Variants in MUC3A observed in about 807,000 individuals in gnomAD.
MUC3A encodes mucin 3A, cell surface associated, also known as mucin-3A.
In MUC3A, 109 loss-of-function variants were observed where a neutral mutation model predicts 109.0. The observed-to-expected ratio is 1.00, with a 90% CI of 0.86 to 1.17. MUC3A has a LOEUF of 1.17. MUC3A is among the 50% of genes most tolerant of loss of function. The pLI is 0.00. For missense variants in MUC3A, 3,537 were observed against 2,469.4 expected (o/e 1.43, Z -9.16); for synonymous variants, 1,398 against 981.4 (o/e 1.42, Z -7.93).
In MUC3A at chr7:100,955,648, C is replaced by T. The variant is rs1792078045; in HGVS notation, c.3869C>T (p.Ser1290Phe). The T allele has an allele frequency of 2.2e-6, 1 of 446,414 alleles. No homozygotes were observed. The highest frequency in any genetic ancestry group is 2.0e-5 in the African/African-American group (1 of 49,414). 27.7% of individuals were successfully genotyped at this position (446,414 alleles called of 1,614,324 possible). Residue 1290 changes from serine to phenylalanine, a missense_variant, in exon 2 of 12, where the codon TCC (serine) becomes TTC (phenylalanine). Ser to Phe is a radical substitution (Grantham distance 155). Coordinates refer to ENST00000379458, the MANE Select transcript of MUC3A (RefSeq NM_005960.2). ...TFPSTYSFSSSMSASSAGTTH... is the reference protein window; with the variant it reads ...TFPSTYSFSSFMSASSAGTTH... ...CCAAGTACATATTCATTTTCATCTT[C>T]CATGTCTGCCAGCAGTGCAGGGACC...
Position 100,957,607 on chromosome 7 carries a change from C to T in MUC3A, c.5828C>T (p.Ser1943Phe), listed in dbSNP as rs1330761063. 7.3e-6 allele frequency: 11 copies of T among 1,516,804 alleles called. No homozygotes were observed. Among genetic ancestry groups the T allele is most frequent in the Non-Finnish European group, 9.6e-6 (11 of 1,145,658 alleles). The allele number at this position is 1,516,804 out of a possible 1,614,324, so 94.0% of individuals were successfully genotyped here. ...TCACACAGTACTCCCAGATTCACTT[C>T]TTCAATCACCAATACCAAGACCACC... The part of the protein sequence containing the change: ...TPSHSTPRFT[S>F]SITNTKTTSH... The change falls in exon 2 of 12, where the codon TCT (serine) becomes TTT (phenylalanine). Residue 1943 changes from serine to phenylalanine, a missense_variant. Ser to Phe is a radical substitution (Grantham distance 155, BLOSUM62 -2). Coordinates refer to ENST00000379458, the MANE Select transcript of MUC3A (RefSeq NM_005960.2).
chr7:100,965,110 GGCA>G, intron 6 of MUC3A, 169 bp from the exon 7 acceptor site: 1 of 1,006,924 alleles, frequency 9.9e-7, no homozygotes, highest in Non-Finnish European at 1.4e-6. Context: ...GGGGAGATGA[GGCA>G]GGCAACAGGA....
chr7:100,964,184 C>CCTAGCA (rs1792443028), intron 5 of MUC3A: 2 of 288,136 alleles, frequency 6.9e-6, no homozygotes, highest in Non-Finnish European at 1.3e-5. Context: ...CACTTGCAAT[C>CCTAGCA]CTAGCACTTT....
At position 100,966,452 on chromosome 7, in the gene MUC3A, G is replaced by A; in HGVS notation, c.9678G>A (p.Ala3226=). Residue 3226 remains alanine (A), a synonymous_variant, in exon 9 of 12, where the codon GCG becomes GCA. Coordinates refer to ENST00000379458, the MANE Select transcript of MUC3A (RefSeq NM_005960.2). ...GCGAGGTGGCCGTCCACTGGAGGGCGCTGGTCGGGGGCCTGACGGCCGGCG... is the reference window on the plus strand; with the variant it reads ...GCGAGGTGGCCGTCCACTGGAGGGCACTGGTCGGGGGCCTGACGGCCGGCG... The part of the protein sequence containing the change: ...PRCEVAVHWR[A]LVGGLTAGAA... The A allele has an allele frequency of 1.5e-6, 2 of 1,347,254 alleles. No individual in the cohort carries two copies. The highest frequency in any genetic ancestry group is 1.9e-6 in the Non-Finnish European group (2 of 1,057,372). The allele number at this position is 1,347,254 out of a possible 1,614,324, so 83.5% of individuals were successfully genotyped here. A position where few individuals can be genotyped will look rare whatever the true frequency, so the allele number is the denominator to read the frequency against.
chr7:100,963,659 C>T lies in MUC3A; in HGVS notation c.9169-29C>T, dbSNP rs529712394. 4.0e-4 allele frequency: 636 copies of T among 1,598,206 alleles called. No individual in the cohort carries two copies. In the South Asian group the frequency reaches 5.1e-3, roughly 13 times the overall value. ...GTCCCCTCAGGTCTGCAGGTTCGGA[C>T]GTGAGCCCAGGGATCCTTGGTGTTT... On this transcript the variant is annotated intron_variant, in intron 4 of 11. Coordinates refer to ENST00000379458, the MANE Select transcript of MUC3A (RefSeq NM_005960.2).
chr7:100,962,069 A>G (rs1792348268), intron 3 of MUC3A, among the ~76,000 whole-genome samples: 1 of 62,370 alleles, frequency 1.6e-5, no homozygotes, highest in East Asian at 5.1e-4. Context: ...CGTCTCTACT[A>G]AAAATACAAA....
Position 100,959,820 on chromosome 7 carries a change from A to T in MUC3A, c.8041A>T (p.Ile2681Phe), listed in dbSNP as rs780303854. The T allele has an allele frequency of 5.0e-6, 8 of 1,584,810 alleles. No homozygotes were observed. In the East Asian group the frequency reaches 8.9e-5, roughly 18 times the overall value. ...NAILTSFSTIIWSSTPTIIMS... is the reference protein window; with the variant it reads ...NAILTSFSTIFWSSTPTIIMS... ...AATCTTGACTTCTTTTAGTACCATC[A>T]TCTGGTCCTCAACACCCACTATTAT... is the stretch of plus-strand genomic sequence containing the variant. The change falls in exon 2 of 12, where the codon ATC (isoleucine) becomes TTC (phenylalanine). Residue 2681 changes from isoleucine to phenylalanine, a missense_variant. Transcript: ENST00000379458.
At position 100,952,386 on chromosome 7, in the gene MUC3A, G is replaced by A. The variant is rs1306726855; in HGVS notation, c.607G>A (p.Val203Met). 1 of 1,598,372 alleles carries A rather than the reference G, an allele frequency of 6.3e-7. No homozygotes were observed. Among genetic ancestry groups the A allele is most frequent in the African/African-American group, 1.3e-5 (1 of 74,930 alleles). Residue 203 changes from valine to methionine, a missense_variant, in exon 2 of 12, where the codon GTG becomes ATG. Transcript: ENST00000379458. ...TGCAAGGGAAACTCCCATAGTGACAGTGACACCCTCCTCTGTGTCAGCCAC... is the reference window on the plus strand; with the variant it reads ...TGCAAGGGAAACTCCCATAGTGACAATGACACCCTCCTCTGTGTCAGCCAC... Reference protein sequence around the residue: ...TTARETPIVTVTPSSVSATDT... With the variant: ...TTARETPIVTMTPSSVSATDT...
intron 3 of MUC3A, among the ~76,000 whole-genome samples, chr7:100,962,286 C>T (rs190818587): frequency 1.9e-4 from 27 of 139,572 alleles, no homozygotes; most frequent in South Asian, 7.0e-4. Context: ...GGCATGGTGG[C>T]TCATGCCTGT....
chr7:100,958,134 A>ACCACC lies in MUC3A; in HGVS notation c.6355_6356insCCACC (p.Met2119ThrfsTer48). The ACCACC allele has an allele frequency of 1.6e-6, 2 of 1,248,526 alleles. No individual in the cohort carries two copies. Among genetic ancestry groups the ACCACC allele is most frequent in the Non-Finnish European group, 2.3e-6 (2 of 865,928 alleles). The allele number at this position is 1,248,526 out of a possible 1,614,324, so 77.3% of individuals were successfully genotyped here. On this transcript the variant is annotated frameshift_variant, in exon 2 of 12. Coordinates refer to ENST00000379458, the MANE Select transcript of MUC3A (RefSeq NM_005960.2). LOFTEE classifies it high-confidence loss of function. ...CACTTCCTCAATCACCACCTCTGAGATGCCCTCACACAGTACTCCCAGCTT... is the reference window on the plus strand; with the variant it reads ...CACTTCCTCAATCACCACCTCTGAGACCACCTGCCCTCACACAGTACTCCCAGCTT...
rs759474920 is a variant in MUC3A at position 100,951,852 on chromosome 7, A to G, written c.73A>G (p.Thr25Ala). 30 of 1,596,148 alleles carry G rather than the reference A, an allele frequency of 1.9e-5. No individual in the cohort carries two copies. Among genetic ancestry groups the G allele is most frequent in the Non-Finnish European group, 2.5e-6 (3 of 1,177,628 alleles). ...ASPWATGTLS[T>A]ATSISQVPFP... ...TGCCGCCAATGCAGGAACTTTATCC[A>G]CGGCCACATCCATCTCTCAAGTGCC... Residue 25 changes from threonine (T) to alanine (A), a missense_variant, in exon 2 of 12, where the codon ACG becomes GCG. Transcript: ENST00000379458.
chr7:100,951,950 ACT>A lies in MUC3A; in HGVS notation c.172_173del (p.Leu58TrpfsTer26). 1 of 1,598,654 alleles carries A rather than the reference ACT, an allele frequency of 6.3e-7. No individual in the cohort carries two copies. Among genetic ancestry groups the A allele is most frequent in the East Asian group, 2.2e-5 (1 of 44,892 alleles). On this transcript the variant is annotated frameshift_variant, in exon 2 of 12. Transcript: ENST00000379458. LOFTEE classifies it high-confidence loss of function. ...ACTCCAGAGACCTGGCTGGGTGGCC[ACT>A]TGGTGTCCCCCAGCTCGCCTCTCCT... ...PHSRDLAGWP[L>X]GVPQLASPAP...
In MUC3A at chr7:100,958,493, C is replaced by A; in HGVS notation, c.6714C>A (p.Gly2238=). ...TTETTSHSTP[G]FTSSITTTET... ...AGACCACATCCCACAGTACTCCCGGCTTCACTTCTTCAATCACCACCACTG... is the reference window on the plus strand; with the variant it reads ...AGACCACATCCCACAGTACTCCCGGATTCACTTCTTCAATCACCACCACTG... Residue 2238 remains glycine, a synonymous_variant, in exon 2 of 12, where the codon GGC becomes GGA. Transcript: ENST00000379458. The A allele has an allele frequency of 1.0e-6, 1 of 989,088 alleles. No homozygotes were observed. Among genetic ancestry groups the A allele is most frequent in the Non-Finnish European group, 1.6e-6 (1 of 630,242 alleles). The allele number at this position is 989,088 out of a possible 1,614,324, so 61.3% of individuals were successfully genotyped here.
chr7:100,960,767 G>T lies in MUC3A; in HGVS notation c.8882G>T (p.Gly2961Val), dbSNP rs1325635139. 2 of 1,597,760 alleles carry T rather than the reference G, an allele frequency of 1.3e-6. No individual in the cohort carries two copies. The highest frequency in any genetic ancestry group is 1.7e-6 in the Non-Finnish European group (2 of 1,179,400). Residue 2961 changes from glycine to valine, a missense_variant, in exon 3 of 12, where the codon GGT becomes GTT. Physicochemically the swap from Gly to Val is moderately radical, Grantham distance 109. Coordinates refer to ENST00000379458, the MANE Select transcript of MUC3A (RefSeq NM_005960.2). ...LTTTAGTCDN[G>V]GTWEQGQCAC... The stretch of plus-strand genomic sequence containing the variant: ...TGTTTTCCAGGCACCTGTGACAATG[G>T]TGGCACCTGGGAACAGGGCCAGTGT...
intron 5 of MUC3A, chr7:100,964,460 T>C (rs1421389246): frequency 3.1e-6 from 2 of 646,494 alleles, no homozygotes; most frequent in Non-Finnish European, 4.9e-6. Context: ...TTTGTCTCTA[T>C]AAAACACACA....
In MUC3A at chr7:100,965,276, C is replaced by T; in HGVS notation, c.9383-6C>T. 6.3e-7 allele frequency: 1 copy of T among 1,598,952 alleles called. No individual in the cohort carries two copies. Among genetic ancestry groups the T allele is most frequent in the Non-Finnish European group, 8.5e-7 (1 of 1,179,630 alleles). Reference sequence around the variant, plus strand: ...GCCCATTCCATCTGTGCCTGTGTTTCCGCAGCCCTGTGTTTTAAGCCTGAC... The same window carrying T: ...GCCCATTCCATCTGTGCCTGTGTTTTCGCAGCCCTGTGTTTTAAGCCTGAC... On this transcript the variant is annotated splice_region_variant and splice_polypyrimidine_tract_variant and intron_variant, in intron 6 of 11. Coordinates refer to ENST00000379458, the MANE Select transcript of MUC3A (RefSeq NM_005960.2).
At chr7:100,963,794 G>A (rs933181873) in intron 5 of MUC3A, 42 bp downstream of exon 5, 8 of 1,597,878 alleles carry the variant, frequency 5.0e-6, no homozygotes, top group Middle Eastern at 1.7e-4. Flanking sequence ...TGTTGGGTGG[G>A]GGAAATGTGC....
chr7:100,951,614 A>G (rs887453102), intron 1 of MUC3A, among the ~76,000 whole-genome samples: 10 of 152,290 alleles, frequency 6.6e-5, no homozygotes, highest in Non-Finnish European at 1.3e-4. Context: ...CCGGTGAGGA[A>G]TGAGGGCTCC....
rs767260575 is a variant in MUC3A at position 100,959,851 on chromosome 7, C to T, written c.8072C>T (p.Ser2691Phe). The T allele has an allele frequency of 6.4e-6, 10 of 1,565,456 alleles. No homozygotes were observed. Among genetic ancestry groups the T allele is most frequent in the South Asian group, 1.2e-5 (1 of 83,436 alleles). Reference protein sequence around the residue: ...IWSSTPTIIMSSSPSSASITP... With the variant: ...IWSSTPTIIMFSSPSSASITP... ...TCCTCAACACCCACTATTATCATGT[C>T]CTCTTCTCCATCTTCTGCCAGCATA... Residue 2691 changes from serine (S) to phenylalanine (F), a missense_variant, in exon 2 of 12, where the codon TCC (serine) becomes TTC (phenylalanine). Transcript: ENST00000379458.
Sources: gnomAD v4.1 joint callset for allele counts (sites outside exome capture counted in the v4.1 genomes callset) on GRCh38, gnomAD v4.1.1 for gene constraint, MANE v1.5 for transcripts, NCBI Gene and HGNC (gene_info 2026-07-23, HGNC 2026-07-21) for gene names.